IL7R: variants seen among roughly 807,000 people sequenced by gnomAD.
The protein encoded by IL7R is interleukin-7 receptor subunit alpha.
In IL7R, 38 loss-of-function variants were observed where a neutral mutation model predicts 47.0. The observed-to-expected ratio is 0.81, with a 90% CI of 0.62 to 1.06. IL7R has a LOEUF of 1.06. Among genes scored for constraint, IL7R ranks in the 50% least tolerant of loss-of-function variants. The pLI, the probability that IL7R is intolerant of heterozygous loss-of-function variation, is 0.00. For synonymous variants in IL7R, 221 were observed against 199.8 expected (o/e 1.11, Z -0.89); for missense variants, 633 against 534.8 (o/e 1.18, Z -1.81).
At chr5:35,872,843 C>T (rs1159725218) in intron 4 of IL7R, among the ~76,000 whole-genome samples, 2 of 151,250 alleles carry the variant, frequency 1.3e-5, no homozygotes, top group African/African-American at 2.4e-5. Flanking sequence ...ATAAAGGACT[C>T]TTATAAATCA....
At chr5:35,875,346 G>C in intron 6 of IL7R, 166 bp from the exon 7 acceptor site, 1 of 685,994 alleles carries the variant, frequency 1.5e-6, no homozygotes, top group South Asian at 1.5e-5. Flanking sequence ...ATAGGGCCCC[G>C]AGGCCCAGAG....
Position 35,877,960 on chromosome 5 carries a change from TG to T in IL7R, c.*1475del, listed in dbSNP as rs1760257782. On this transcript the variant is annotated 3_prime_UTR_variant, in exon 8 of 8. Coordinates refer to ENST00000303115, the MANE Select transcript of IL7R (RefSeq NM_002185.5). ...AGAAGGGGTCATAGGTTCATGGTTT[TG>T]TTTGAGATTTGTTGCTACTGTTTTT... 4.3e-6 allele frequency: 1 copy of T among 233,348 alleles called. No homozygotes were observed. The highest frequency in any genetic ancestry group is 8.5e-6 in the Non-Finnish European group (1 of 118,084). The allele number at this position is 233,348 out of a possible 1,614,324, so 14.5% of individuals were successfully genotyped here.
chr5:35,856,929 T>C lies in IL7R; in HGVS notation c.-49T>C, dbSNP rs2149893417. 9.3e-7 allele frequency: 1 copy of C among 1,074,874 alleles called. No homozygotes were observed. The highest frequency in any genetic ancestry group is 2.4e-5 in the East Asian group (1 of 42,436). The allele number at this position is 1,074,874 out of a possible 1,614,324, so 66.6% of individuals were successfully genotyped here. A position where few individuals can be genotyped will look rare whatever the true frequency, so the allele number is the denominator to read the frequency against. ...TCCCTTCCTCTTACTCTCATTCATTTCATACACACTGGCTCACACATCTAC... is the reference window on the plus strand; with the variant it reads ...TCCCTTCCTCTTACTCTCATTCATTCCATACACACTGGCTCACACATCTAC... On this transcript the variant is annotated 5_prime_UTR_variant, in exon 1 of 8. Transcript: ENST00000303115.
At chr5:35,874,646 T>A in intron 6 of IL7R, 104 bp downstream of exon 6, 1 of 886,036 alleles carries the variant, frequency 1.1e-6, no homozygotes, top group Non-Finnish European at 1.9e-6. Context: ...GATTAAGGCA[T>A]TTCACGAATT....
chr5:35,873,130 ACTAACCTAAC>A, intron 4 of IL7R: 1 of 294,306 alleles, frequency 3.4e-6, no homozygotes, highest in Non-Finnish European at 6.6e-6. Context: ...ATTCCTGCTC[ACTAACCTAAC>A]CTAACCTTTC....
rs147298536 is a variant in IL7R, at chr5:35,878,588, A to T, written c.*2102A>T. ...CAGAAGACATTTTTCATCAGTGGGC[A>T]GGTGTTCTTTACCTTTTGTAGAAAT... On this transcript the variant is annotated 3_prime_UTR_variant, in exon 8 of 8. Transcript: ENST00000303115. 1 of 232,950 alleles carries T rather than the reference A, an allele frequency of 4.3e-6. No individual in the cohort carries two copies. Among genetic ancestry groups the T allele is most frequent in the Non-Finnish European group, 8.5e-6 (1 of 117,836 alleles). The allele number at this position is 232,950 out of a possible 1,614,324, so 14.4% of individuals were successfully genotyped here.
rs756406426 is a variant in IL7R at position 35,876,344 on chromosome 5, G to A, written c.1238G>A (p.Ser413Asn). 3 of 1,613,232 alleles carry A rather than the reference G, an allele frequency of 1.9e-6. No individual in the cohort carries two copies. Among genetic ancestry groups the A allele is most frequent in the Non-Finnish European group, 2.5e-6 (3 of 1,179,412 alleles). ...DLLLSLGTTNSTLPPPFSLQS... is the reference protein window; with the variant it reads ...DLLLSLGTTNNTLPPPFSLQS... ...CTGCTTAGCCTTGGGACTACAAACA[G>A]CACGCTGCCCCCTCCATTTTCTCTC... is the stretch of plus-strand genomic sequence containing the variant. Residue 413 changes from serine (S) to asparagine (N), a missense_variant, in exon 8 of 8, where the codon AGC becomes AAC. Transcript: ENST00000303115.
chr5:35,860,460 T>C (rs1348824718), intron 1 of IL7R, among the ~76,000 whole-genome samples: 1 of 152,146 alleles, frequency 6.6e-6, no homozygotes, highest in Non-Finnish European at 1.5e-5. Flanking sequence ...ATAATGGAAA[T>C]AAAGTGTCTC....
chr5:35,870,364 G>C (rs1760039939), intron 3 of IL7R, among the ~76,000 whole-genome samples: 1 of 152,232 alleles, frequency 6.6e-6, no homozygotes, highest in South Asian at 2.1e-4. Context: ...GACTGACAGA[G>C]GGGACCCCCT....
intron 6 of IL7R, 70 bp from the exon 7 acceptor site, chr5:35,875,442 T>C (rs764696934): frequency 1.1e-5 from 12 of 1,046,228 alleles, no homozygotes; most frequent in Non-Finnish European, 1.8e-5. Context: ...AAGCTCAGAA[T>C]AAGTGGGAAG....
chr5:35,862,552 G>A (rs1001442425), intron 2 of IL7R, among the ~76,000 whole-genome samples: 7 of 152,080 alleles, frequency 4.6e-5, no homozygotes, highest in Non-Finnish European at 8.8e-5. Flanking sequence ...AGAAAGAAAC[G>A]TTTTCAGTGG....
chr5:35,872,870 C>A (rs1275974154), intron 4 of IL7R, among the ~76,000 whole-genome samples: 1 of 151,088 alleles, frequency 6.6e-6, no homozygotes, highest in African/African-American at 2.4e-5. Flanking sequence ...AAACAAATAT[C>A]ACAATAGAAA....
intron 6 of IL7R, 55 bp downstream of exon 6, chr5:35,874,597 A>T (rs1328541388): frequency 1.6e-6 from 2 of 1,279,322 alleles, no homozygotes; most frequent in African/African-American, 2.9e-5. Flanking sequence ...GGACAGTCAG[A>T]GCTTAAGCCC....
At chr5:35,865,442 C>A (rs956276429) in intron 2 of IL7R, among the ~76,000 whole-genome samples, 48 of 152,130 alleles carry the variant, frequency 3.2e-4, no homozygotes, top group African/African-American at 1.1e-3. Flanking sequence ...GTCTTTATAG[C>A]AGCATGATTT....
At chr5:35,874,707 A>C (rs1760162613) in intron 6 of IL7R, among the ~76,000 whole-genome samples, 165 bp downstream of exon 6, 1 of 152,244 alleles carries the variant, frequency 6.6e-6, no homozygotes, top group Non-Finnish European at 1.5e-5. Context: ...AGTTAATTTC[A>C]TAAGAGGCAA....
At chr5:35,860,211 G>A (rs1759766591) in intron 1 of IL7R, among the ~76,000 whole-genome samples, 1 of 152,156 alleles carries the variant, frequency 6.6e-6, no homozygotes, top group Non-Finnish European at 1.5e-5. Context: ...AGTCCTGCCA[G>A]ATCTAATTTT....
intron 2 of IL7R, 37 bp downstream of exon 2, chr5:35,861,027 C>T (rs2149895800): frequency 6.3e-7 from 1 of 1,599,390 alleles, no homozygotes; most frequent in Non-Finnish European, 8.6e-7. Flanking sequence ...CTTAGACATC[C>T]TCTGTCTCTC....
At chr5:35,875,039 G>A (rs1241756731) in intron 6 of IL7R, among the ~76,000 whole-genome samples, 1 of 152,152 alleles carries the variant, frequency 6.6e-6, no homozygotes. Context: ...AATTTGAAAA[G>A]TACTGCCTGG....
intron 1 of IL7R, among the ~76,000 whole-genome samples, chr5:35,857,556 C>T (rs1477795010): frequency 1.3e-5 from 2 of 152,128 alleles, no homozygotes; most frequent in Non-Finnish European, 2.9e-5. Context: ...ATATAGTAGA[C>T]ATCCAATAAC....
Sources: allele counts gnomAD v4.1 joint callset (sites outside exome capture counted in the v4.1 genomes callset), GRCh38; gene constraint gnomAD v4.1.1; transcripts MANE v1.5; gene names NCBI Gene and HGNC (gene_info 2026-07-23, HGNC 2026-07-21).